The following LIMK2 variants were observed in gnomAD, a reference collection of about 807,000 sequenced individuals.
The protein encoded by LIMK2 is LIM domain kinase 2.
LIMK2 carries 35 observed loss-of-function variants against 75.7 expected under a neutral mutation model. The ratio of observed to expected loss-of-function variants is 0.46; its 90% CI spans 0.35 to 0.61. The LOEUF is 0.61. Ranked by LOEUF, LIMK2 falls within the 20% of genes least tolerant of loss-of-function variation. The probability of loss-of-function intolerance (pLI) is 0.00; values close to 1 mark genes in which losing one functional copy is unlikely to be tolerated. For missense variants in LIMK2, 623 were observed against 831.0 expected, an observed-to-expected ratio of 0.75 and a Z score of 3.08; for synonymous variants, 301 against 319.2, an observed-to-expected ratio of 0.94 and a Z score of 0.61.
Position 31,259,198 on chromosome 22 carries a change from A to T in LIMK2, c.330A>T (p.Ala110=). The change falls in exon 4 of 16, where the codon GCA becomes GCT. Residue 110 remains alanine, a synonymous_variant. Transcript: ENST00000331728. The part of the protein sequence containing the change: ...SCKVIIEDGD[A]YALVQHATLY... ...AGGTGATCATTGAGGATGGGGATGC[A>T]TATGCACTGGTGCAGCATGCCACCC... 1 of 1,612,340 alleles carries T rather than the reference A, an allele frequency of 6.2e-7. No homozygotes were observed. The highest frequency in any genetic ancestry group is 8.5e-7 in the Non-Finnish European group (1 of 1,178,522).
intron 7 of LIMK2, among the ~76,000 whole-genome samples, chr22:31,264,367 G>A (rs1245590543): frequency 1.3e-5 from 2 of 152,202 alleles, no homozygotes; most frequent in Admixed American, 6.5e-5. Context: ...TCCAGCGTCA[G>A]TCCTCTCTGG....
chr22:31,243,118 C>G (rs1392174498), intron 2 of LIMK2, among the ~76,000 whole-genome samples: 1 of 152,198 alleles, frequency 6.6e-6, no homozygotes, highest in East Asian at 1.9e-4. Flanking sequence ...GATGGAGTTT[C>G]TCCATGTTGG....
At chr22:31,242,679 T>C (rs184156949) in intron 2 of LIMK2, among the ~76,000 whole-genome samples, 2 of 152,342 alleles carry the variant, frequency 1.3e-5, no homozygotes, top group Admixed American at 1.3e-4. Context: ...TTAGACTAAA[T>C]CTCTAAAGTT....
At chr22:31,228,419 C>CA (rs989717229) in intron 2 of LIMK2, among the ~76,000 whole-genome samples, 1 of 151,580 alleles carries the variant, frequency 6.6e-6, no homozygotes, top group Non-Finnish European at 1.5e-5. Flanking sequence ...AACTCCATCG[C>CA]AAAAAAACAA....
chr22:31,273,652 C>T, intron 14 of LIMK2, 145 bp downstream of exon 14: 3 of 661,608 alleles, frequency 4.5e-6, no homozygotes, highest in Admixed American at 2.4e-5. Flanking sequence ...AACGCATCTG[C>T]ACATCTTTGC....
chr22:31,244,679 CAGAG>C (rs537774289), intron 2 of LIMK2, among the ~76,000 whole-genome samples: 6 of 152,320 alleles, frequency 3.9e-5, no homozygotes, highest in East Asian at 1.9e-4. Flanking sequence ...AAGGCCCAGA[CAGAG>C]AGAGTGACTT....
intron 2 of LIMK2, among the ~76,000 whole-genome samples, chr22:31,226,899 C>T (rs1454319262): frequency 6.6e-6 from 1 of 152,192 alleles, no homozygotes; most frequent in Non-Finnish European, 1.5e-5. Flanking sequence ...CATGAGCCAC[C>T]GCGCCCTGCC....
At chr22:31,273,001 T>C (rs1324459931) in intron 13 of LIMK2, 1 of 1,181,818 alleles carries the variant, frequency 8.5e-7, no homozygotes, top group Non-Finnish European at 1.1e-6. Flanking sequence ...CTCTCCATGG[T>C]GAGAACTGAA....
At position 31,262,697 on chromosome 22, in the gene LIMK2, G is replaced by A. The variant is rs774503661; in HGVS notation, c.760G>A (p.Ala254Thr). The change falls in exon 7 of 16, where the codon GCT becomes ACT. Residue 254 changes from alanine to threonine, a missense_variant. Physicochemically the swap from Ala to Thr is moderately conservative, Grantham distance 58. Around this residue, in one of 3 missense-constraint regions of LIMK2, gnomAD observed 514 missense variants for 661.3 expected, o/e 0.78. Transcript: ENST00000331728. This position sits in a 1 kb window ranked among gnomAD's most constrained non-coding sequence, Gnocchi z 5.0. ...LDQLRLEARL[A>T]PHMQNAGHPH... The stretch of plus-strand genomic sequence containing the variant: ...CCAGCTGCGGCTGGAGGCCCGGCTC[G>A]CTCCTCACATGCAGAATGCCGGACA... 1.9e-5 allele frequency: 30 copies of A among 1,614,020 alleles called. No homozygotes were observed. Among genetic ancestry groups the A allele is most frequent in the African/African-American group, 1.2e-4 (9 of 74,916 alleles).
chr22:31,214,774 G>C (rs1568979468), intron 1 of LIMK2, among the ~76,000 whole-genome samples: 1 of 152,144 alleles, frequency 6.6e-6, no homozygotes, highest in Non-Finnish European at 1.5e-5. Flanking sequence ...TTGGAGCTGG[G>C]AGGTCAATAT....
chr22:31,245,708 G>A (rs2048661911), intron 2 of LIMK2, among the ~76,000 whole-genome samples: 1 of 152,028 alleles, frequency 6.6e-6, no homozygotes, highest in Non-Finnish European at 1.5e-5. Context: ...TCGAATGCTG[G>A]GATTATAGGC....
intron 2 of LIMK2, among the ~76,000 whole-genome samples, chr22:31,242,895 C>G (rs535483388): frequency 5.1e-4 from 78 of 152,196 alleles, no homozygotes; most frequent in African/African-American, 1.7e-3. Flanking sequence ...TGCTCATAAC[C>G]CTGTGAAGCT....
chr22:31,248,866 C>A, intron 2 of LIMK2: 1 of 1,331,734 alleles, frequency 7.5e-7, no homozygotes, highest in Non-Finnish European at 1.1e-6. Context: ...TAGTCCTTTA[C>A]CATCGGTTCT....
At chr22:31,254,202 G>C (rs2048753807) in intron 2 of LIMK2, among the ~76,000 whole-genome samples, 1 of 152,234 alleles carries the variant, frequency 6.6e-6, no homozygotes, top group Non-Finnish European at 1.5e-5. Flanking sequence ...CCTGGCCAGA[G>C]CTACTTGCAG....
rs1237000645 is a variant in LIMK2, at chr22:31,259,221, C to G, written c.353C>G (p.Thr118Ser). The G allele has an allele frequency of 1.3e-6, 2 of 1,596,662 alleles. No individual in the cohort carries two copies. Among genetic ancestry groups the G allele is most frequent in the Non-Finnish European group, 1.7e-6 (2 of 1,164,158 alleles). The change falls in exon 4 of 16, where the codon ACC becomes AGC. Residue 118 changes from threonine (T) to serine (S), a missense_variant. Physicochemically the swap from Thr to Ser is moderately conservative, Grantham distance 58. This residue lies in a region of LIMK2 where 514 missense variants were observed against 661.3 expected (regional missense o/e 0.78). Transcript: ENST00000331728. The stretch of plus-strand genomic sequence containing the variant: ...GCATATGCACTGGTGCAGCATGCCA[C>G]CCTCTACTGGTAAGATAGTGGTCCT... ...GDAYALVQHA[T>S]LYCGKCHNEV...
chr22:31,262,361 T>A lies in LIMK2; in HGVS notation c.657+122T>A. 1.1e-6 allele frequency: 1 copy of A among 877,348 alleles called. No individual in the cohort carries two copies. Among genetic ancestry groups the A allele is most frequent in the Non-Finnish European group, 1.8e-6 (1 of 541,612 alleles). The allele number at this position is 877,348 out of a possible 1,614,324, so 54.3% of individuals were successfully genotyped here. On this transcript the variant is annotated intron_variant, in intron 6 of 15. Transcript: ENST00000331728. The surrounding 1 kb of genome is among the most constrained non-coding windows in gnomAD (Gnocchi z 5.0). ...CATCTCTTTGTCTTAGCATTGAGCCTGTGACCACTGGTGACCTATTTCAGC... is the reference window on the plus strand; with the variant it reads ...CATCTCTTTGTCTTAGCATTGAGCCAGTGACCACTGGTGACCTATTTCAGC...
In LIMK2 at chr22:31,262,921, G is replaced by C. The variant is rs1393450707; in HGVS notation, c.854+130G>C. 1 of 834,300 alleles carries C rather than the reference G, an allele frequency of 1.2e-6. No individual in the cohort carries two copies. Among genetic ancestry groups the C allele is most frequent in the Non-Finnish European group, 1.8e-6 (1 of 557,588 alleles). The allele number at this position is 834,300 out of a possible 1,614,324, so 51.7% of individuals were successfully genotyped here. On this transcript the variant is annotated intron_variant, in intron 7 of 15. Coordinates refer to ENST00000331728, the MANE Select transcript of LIMK2 (RefSeq NM_005569.4). The surrounding 1 kb of genome is among the most constrained non-coding windows in gnomAD (Gnocchi z 5.0). ...AGGGACAGACTATGAGGATTGTGCT[G>C]ACCCAGCTGCCCCTGTGGGGATCAC...
At chr22:31,270,258 A>G (rs2048942220) in intron 11 of LIMK2, among the ~76,000 whole-genome samples, 1 of 152,090 alleles carries the variant, frequency 6.6e-6, no homozygotes, top group Admixed American at 6.5e-5. Context: ...TGTGAAGAGG[A>G]GATGGCTTTG....
Position 31,273,498 on chromosome 22 carries a change from T to C in LIMK2, c.1605T>C (p.Val535=). Residue 535 remains valine (V), a synonymous_variant, in exon 14 of 16, where the codon GTT becomes GTC. Transcript: ENST00000331728. ...ETVDIFSFGI[V]LCEIIGQVYA... Reference sequence around the variant, plus strand: ...TGGATATCTTCTCCTTTGGGATCGTTCTCTGTGAGGTGAGCTCTGGCACCA... The same window carrying C: ...TGGATATCTTCTCCTTTGGGATCGTCCTCTGTGAGGTGAGCTCTGGCACCA... 6.2e-7 allele frequency: 1 copy of C among 1,613,862 alleles called. No individual in the cohort carries two copies.
Sources: gnomAD v4.1 joint callset for allele counts (sites outside exome capture counted in the v4.1 genomes callset) on GRCh38, gnomAD v4.1.1 for gene constraint, gnomAD v4.1.1 regional missense constraint, Gnocchi (gnomAD v3.1) non-coding constraint, MANE v1.5 for transcripts, NCBI Gene and HGNC (gene_info 2026-07-23, HGNC 2026-07-21) for gene names.